Variants in SH3D19 observed in about 807,000 individuals in gnomAD.
SH3D19 encodes SH3 domain containing 19.
SH3D19 carries 58 observed loss-of-function variants against 112.1 expected under a neutral mutation model. The ratio of observed to expected loss-of-function variants is 0.52; its 90% CI spans 0.42 to 0.64. The LOEUF is 0.64. SH3D19 is among the 30% of genes least tolerant of loss of function. The probability of loss-of-function intolerance (pLI) is 0.00; values close to 1 mark genes in which losing one functional copy is unlikely to be tolerated. For synonymous variants in SH3D19, 391 were observed against 448.5 expected (o/e 0.87, Z 1.62); for missense variants, 1,090 against 1,263.4 (o/e 0.86, Z 2.08).
At chr4:151,191,945 C>CTTT in intron 2 of SH3D19, among the ~76,000 whole-genome samples, 1 of 28,144 alleles carries the variant, frequency 3.6e-5, no homozygotes, top group African/African-American at 5.9e-5. Flanking sequence ...ACACCCAGCC[C>CTTT]TTTTTTTTTT....
intron 7 of SH3D19, among the ~76,000 whole-genome samples, chr4:151,169,179 A>G (rs188331642): frequency 6.6e-6 from 1 of 152,322 alleles, no homozygotes; most frequent in East Asian, 1.9e-4. Context: ...TGAAGTATTC[A>G]AAGTGTCCTA....
At chr4:151,184,699 C>T (rs1028640267) in intron 3 of SH3D19, among the ~76,000 whole-genome samples, 4 of 152,156 alleles carry the variant, frequency 2.6e-5, no homozygotes, top group Non-Finnish European at 5.9e-5. Context: ...GCTTCCTCAT[C>T]CTAAGCATAG....
At position 151,307,723 on chromosome 4, in the gene SH3D19, C is replaced by T. The variant is rs527466872; in HGVS notation, c.112+17518G>A. Among the ~76,000 whole-genome samples the T allele has an allele frequency of 3.3e-5, 5 of 152,316 alleles. No individual in the cohort carries two copies. The South Asian group carries it at 8.3e-4, about 25-fold the overall frequency. On this transcript the variant is annotated intron_variant, in intron 1 of 19. Transcript: ENST00000604030. The stretch of plus-strand genomic sequence containing the variant: ...GACACCAAACGGCAAACATCTAAAG[C>T]GCTCAGGACTAACAAAGAAACAGGA...
chr4:151,135,421 A>ATTTTTTTTTTT (rs34291277), intron 14 of SH3D19, among the ~76,000 whole-genome samples: 1 of 87,464 alleles, frequency 1.1e-5, no homozygotes. Context: ...TCTCTATCTC[A>ATTTTTTTTTTT]TTTTTTTTTT....
At chr4:151,279,421 A>G (rs1370285889) in intron 1 of SH3D19, among the ~76,000 whole-genome samples, 1 of 152,214 alleles carries the variant, frequency 6.6e-6, no homozygotes, top group African/African-American at 2.4e-5. Flanking sequence ...ATGTTTGTGA[A>G]GATTCCCACT....
At chr4:151,227,418 C>G (rs1769185905) in intron 1 of SH3D19, among the ~76,000 whole-genome samples, 1 of 152,142 alleles carries the variant, frequency 6.6e-6, no homozygotes, top group African/African-American at 2.4e-5. Flanking sequence ...ATAAAGCATG[C>G]CTGCTTAGAT....
chr4:151,291,149 T>C (rs1378548830), intron 1 of SH3D19: 3 of 1,613,576 alleles, frequency 1.9e-6, no homozygotes, highest in Non-Finnish European at 1.7e-6. Context: ...TCGTGTCACA[T>C]TGATGGTGTA....
chr4:151,123,873 A>G (rs990686768), intron 19 of SH3D19, among the ~76,000 whole-genome samples: 3 of 150,666 alleles, frequency 2.0e-5, no homozygotes, highest in Non-Finnish European at 4.4e-5. Flanking sequence ...TACCCTCTGG[A>G]AAAAAAAATG....
intron 1 of SH3D19, among the ~76,000 whole-genome samples, chr4:151,243,850 G>A (rs1252292282): frequency 6.6e-6 from 1 of 152,196 alleles, no homozygotes; most frequent in African/African-American, 2.4e-5. Flanking sequence ...TTTGAGAATT[G>A]CTGCTAAAAA....
chr4:151,216,877 CTGTGTGTGTGTGTGTGTGTGTGTGTG>C (rs34575245), intron 2 of SH3D19, among the ~76,000 whole-genome samples: 10 of 140,766 alleles, frequency 7.1e-5, no homozygotes, highest in South Asian at 2.5e-4. Context: ...CAAAACAACA[CTGTGTGTGTGTGTGTGTGTGTGTGTG>C]TGTGTGTGTG....
chr4:151,308,152 C>T (rs1469156831), intron 1 of SH3D19, among the ~76,000 whole-genome samples: 1 of 152,136 alleles, frequency 6.6e-6, no homozygotes, highest in Non-Finnish European at 1.5e-5. Flanking sequence ...GTGATCCACC[C>T]ACCTCGGCCT....
Position 151,153,888 on chromosome 4 carries a change from C to T in SH3D19, c.1756-4327G>A, listed in dbSNP as rs1017642897. Among the ~76,000 whole-genome samples the T allele has an allele frequency of 4.6e-5, 7 of 152,214 alleles. No individual in the cohort carries two copies. In the East Asian group the frequency reaches 7.7e-4, roughly 17 times the overall value. On this transcript the variant is annotated intron_variant, in intron 9 of 19. Transcript: ENST00000604030. Reference sequence around the variant, plus strand: ...CAGATGGTTTAATTTATTATAACTTCCTTTTTTTTGTTTTTCTAAAATGTG... The same window carrying T: ...CAGATGGTTTAATTTATTATAACTTTCTTTTTTTTGTTTTTCTAAAATGTG...
At chr4:151,325,196 C>T in intron 1 of SH3D19, 45 bp downstream of exon 1, 20 of 1,094,678 alleles carry the variant, frequency 1.8e-5, no homozygotes, top group Non-Finnish European at 2.3e-5. Context: ...GGCCCCAGAG[C>T]GCGCAGCTCT....
intron 1 of SH3D19, among the ~76,000 whole-genome samples, chr4:151,255,567 C>A (rs554701741): frequency 3.4e-5 from 5 of 145,128 alleles, no homozygotes; most frequent in Non-Finnish European, 6.2e-5. Flanking sequence ...AGAGGGGCTC[C>A]TCACATCCCA....
intron 1 of SH3D19, among the ~76,000 whole-genome samples, chr4:151,307,168 G>A (rs1250955477): frequency 2.6e-5 from 4 of 151,666 alleles, no homozygotes; most frequent in Admixed American, 6.6e-5. Context: ...ACAGGCGCCC[G>A]CCACTACGCC....
chr4:151,322,225 G>A (rs1007691067), intron 1 of SH3D19, among the ~76,000 whole-genome samples: 42 of 151,912 alleles, frequency 2.8e-4, no homozygotes, highest in African/African-American at 1.0e-3. Context: ...GAGGTGGGAG[G>A]AGTTCGAGAT....
chr4:151,269,936 C>T (rs1328098618), intron 1 of SH3D19, among the ~76,000 whole-genome samples: 9 of 152,176 alleles, frequency 5.9e-5, no homozygotes, highest in African/African-American at 1.4e-4. Flanking sequence ...TCCACCTCCA[C>T]ATCTTGTCCC....
chr4:151,128,293 C>T lies in SH3D19; in HGVS notation c.2806G>A (p.Asp936Asn). 6.2e-7 allele frequency: 1 copy of T among 1,614,158 alleles called. No individual in the cohort carries two copies. The highest frequency in any genetic ancestry group is 8.5e-7 in the Non-Finnish European group (1 of 1,180,004). The change falls in exon 18 of 20, where the codon GAC becomes AAC. Residue 936 changes from aspartate to asparagine, a missense_variant. By Grantham distance (23) the Asp-to-Asn change is conservative. Coordinates refer to ENST00000604030, the MANE Select transcript of SH3D19 (RefSeq NM_001378122.1). ...LHSFTAETSD[D>N]LSFKRGDRIQ... ...CGGTCTCCCCTCTTGAATGATAAGT[C>T]ATCACTGGTCTCTGCTGTAAAACTG...
chr4:151,205,384 T>G (rs1236445187), intron 2 of SH3D19, among the ~76,000 whole-genome samples: 3 of 152,218 alleles, frequency 2.0e-5, no homozygotes, highest in African/African-American at 7.2e-5. Flanking sequence ...CTGTTTGTTT[T>G]AGGCTATCAG....
Sources: gnomAD v4.1 joint callset for allele counts (sites outside exome capture counted in the v4.1 genomes callset) on GRCh38, gnomAD v4.1.1 for gene constraint, MANE v1.5 for transcripts, NCBI Gene and HGNC (gene_info 2026-07-23, HGNC 2026-07-21) for gene names.